The following EYS variants were observed in gnomAD, a reference collection of about 807,000 sequenced individuals.
EYS encodes the protein protein eyes shut homolog.
In EYS, 250 loss-of-function variants were observed where a neutral mutation model predicts 282.1. The observed-to-expected ratio is 0.89, with a 90% CI of 0.80 to 0.98. The LOEUF is 0.98. Among genes scored for constraint, EYS ranks in the 50% least tolerant of loss-of-function variants. The probability of loss-of-function intolerance (pLI) is 0.00; values close to 1 mark genes in which losing one functional copy is unlikely to be tolerated. For synonymous variants in EYS, 1,355 were observed against 1,282.9 expected, an observed-to-expected ratio of 1.06 and a Z score of -1.20; for missense variants, 4,016 against 3,709.0, an observed-to-expected ratio of 1.08 and a Z score of -2.15.
intron 31 of EYS, among the ~76,000 whole-genome samples, chr6:64,210,498 C>A (rs1582431665): frequency 6.6e-6 from 1 of 152,158 alleles, no homozygotes; most frequent in East Asian, 1.9e-4. Flanking sequence ...TGAATTAAGG[C>A]CCATACTAAT....
chr6:64,403,514 G>A (rs548296247), intron 28 of EYS, among the ~76,000 whole-genome samples: 3 of 152,010 alleles, frequency 2.0e-5, no homozygotes, highest in East Asian at 3.9e-4. Context: ...GTGGCACCAC[G>A]CCCGGCTAAT....
chr6:64,215,197 G>A (rs185500306), intron 31 of EYS, among the ~76,000 whole-genome samples: 274 of 152,036 alleles, frequency 1.8e-3, no homozygotes, highest in African/African-American at 6.0e-3. Context: ...ATTTATTCAG[G>A]ACAAGAAATT....
chr6:63,856,818 ATT>A (rs1772403848), intron 36 of EYS, among the ~76,000 whole-genome samples: 1 of 152,308 alleles, frequency 6.6e-6, no homozygotes, highest in South Asian at 2.1e-4. Flanking sequence ...TAAACTTATA[ATT>A]TATCAAATCT....
chr6:64,612,558 G>C (rs558558898), intron 24 of EYS, among the ~76,000 whole-genome samples: 1 of 152,012 alleles, frequency 6.6e-6, no homozygotes, highest in East Asian at 1.9e-4. Flanking sequence ...TTTGTAATTG[G>C]ATCTGCTTAA....
chr6:64,448,583 T>C (rs1775203526), intron 26 of EYS, among the ~76,000 whole-genome samples: 1 of 152,076 alleles, frequency 6.6e-6, no homozygotes, highest in African/African-American at 2.4e-5. Flanking sequence ...GACCCCCAAG[T>C]AGCCTAACTG....
intron 11 of EYS, among the ~76,000 whole-genome samples, chr6:65,334,427 C>T (rs938186267): frequency 2.0e-5 from 3 of 151,438 alleles, no homozygotes; most frequent in Non-Finnish European, 3.0e-5. Context: ...ACAACCACAC[C>T]TGGCTGATTT....
intron 24 of EYS, among the ~76,000 whole-genome samples, chr6:64,608,092 T>A (rs1766991643): frequency 6.6e-6 from 1 of 152,194 alleles, no homozygotes; most frequent in South Asian, 2.1e-4. Context: ...GCATTATATC[T>A]TTAGCAGTGT....
At chr6:65,347,725 A>C (rs1467591137) in intron 9 of EYS, among the ~76,000 whole-genome samples, 1 of 151,708 alleles carries the variant, frequency 6.6e-6, no homozygotes, top group Non-Finnish European at 1.5e-5. Context: ...TTGGTGTTAC[A>C]GATAACCCAA....
chr6:63,993,591 C>T (rs1006351651), intron 34 of EYS, among the ~76,000 whole-genome samples: 16 of 151,542 alleles, frequency 1.1e-4, no homozygotes, highest in African/African-American at 2.2e-4. Flanking sequence ...GATAAAATAG[C>T]ATAAGAATAA....
At chr6:64,061,209 C>A (rs1201320038) in intron 33 of EYS, among the ~76,000 whole-genome samples, 1 of 151,980 alleles carries the variant, frequency 6.6e-6, no homozygotes, top group African/African-American at 2.4e-5. Flanking sequence ...GGACACAGGG[C>A]TTTTTTAGAG....
At chr6:63,754,851 G>A (rs1365590973) in intron 41 of EYS, among the ~76,000 whole-genome samples, 1 of 152,146 alleles carries the variant, frequency 6.6e-6, no homozygotes, top group East Asian at 1.9e-4. Flanking sequence ...TCCAGCACCT[G>A]TTGTTTCCTG....
chr6:64,795,545 C>T (rs1212042062), intron 22 of EYS, among the ~76,000 whole-genome samples: 2 of 152,112 alleles, frequency 1.3e-5, no homozygotes, highest in Non-Finnish European at 2.9e-5. Context: ...ATTCTGAGGA[C>T]CAAAGTCTTG....
intron 22 of EYS, among the ~76,000 whole-genome samples, chr6:64,804,392 T>G (rs1465053108): frequency 6.6e-6 from 1 of 152,182 alleles, no homozygotes; most frequent in Non-Finnish European, 1.5e-5. Flanking sequence ...TCACTTTTAT[T>G]CTTACCAAAA....
chr6:65,517,856 G>A (rs1383305401), intron 2 of EYS, among the ~76,000 whole-genome samples: 1 of 151,952 alleles, frequency 6.6e-6, no homozygotes, highest in Admixed American at 6.6e-5. Context: ...GTTTGAGGCA[G>A]GATAGTAAAA....
intron 31 of EYS, among the ~76,000 whole-genome samples, chr6:64,182,038 T>G (rs1329595372): frequency 1.3e-5 from 2 of 152,164 alleles, no homozygotes; most frequent in Non-Finnish European, 1.5e-5. Flanking sequence ...CCTTCAGTAT[T>G]AAATATTCAT....
At chr6:65,197,514 G>C (rs562780137) in intron 12 of EYS, among the ~76,000 whole-genome samples, 5 of 152,190 alleles carry the variant, frequency 3.3e-5, no homozygotes, top group African/African-American at 1.2e-4. Context: ...TGGAGAGGTG[G>C]AGGCAAGATC....
At chr6:65,472,177 T>C (rs1432070439) in intron 5 of EYS, among the ~76,000 whole-genome samples, 4 of 152,110 alleles carry the variant, frequency 2.6e-5, no homozygotes, top group African/African-American at 9.6e-5. Flanking sequence ...ATCATAGAGT[T>C]GGAAGATCCA....
intron 12 of EYS, among the ~76,000 whole-genome samples, chr6:65,193,125 A>G (rs1257250929): frequency 6.6e-6 from 1 of 151,754 alleles, no homozygotes; most frequent in African/African-American, 2.4e-5. Context: ...AATTGATCTC[A>G]TGGGGGTAGG....
chr6:63,780,762 ATTTGTCAAT>A (rs1770201007), intron 39 of EYS, among the ~76,000 whole-genome samples: 1 of 152,044 alleles, frequency 6.6e-6, no homozygotes, highest in African/African-American at 2.4e-5. Flanking sequence ...ATTAGATCCC[ATTTGTCAAT>A]TTTGGCTTTT....
Sources: gnomAD v4.1 joint callset for allele counts (sites outside exome capture counted in the v4.1 genomes callset) on GRCh38, gnomAD v4.1.1 for gene constraint, MANE v1.5 for transcripts, NCBI Gene and HGNC (gene_info 2026-07-23, HGNC 2026-07-21) for gene names.